DEUP1: variants seen among roughly 807,000 people sequenced by gnomAD.
DEUP1 encodes the protein coiled-coil domain containing 67.
In DEUP1, 82 loss-of-function variants were observed where a neutral mutation model predicts 87.4. The observed-to-expected ratio is 0.94, with a 90% CI of 0.78 to 1.13. The LOEUF (loss-of-function observed/expected upper bound fraction) is 1.13, where lower values mean the gene tolerates loss of function less well. Ranked by LOEUF, DEUP1 falls within the 50% of genes most tolerant of loss-of-function variation. The pLI, the probability that DEUP1 is intolerant of heterozygous loss-of-function variation, is 0.00. For missense variants in DEUP1, 663 were observed against 681.5 expected (o/e 0.97, Z 0.30); for synonymous variants, 214 against 222.7 (o/e 0.96, Z 0.35).
At chr11:93,405,294 C>T (rs1947236851) in intron 11 of DEUP1, among the ~76,000 whole-genome samples, 1 of 151,900 alleles carries the variant, frequency 6.6e-6, no homozygotes, top group African/African-American at 2.4e-5. Flanking sequence ...CACAAATCTA[C>T]TCTAATTTTA....
At chr11:93,403,021 TAAAGA>T (rs1947168973) in intron 11 of DEUP1, among the ~76,000 whole-genome samples, 1 of 151,960 alleles carries the variant, frequency 6.6e-6, no homozygotes, top group South Asian at 2.1e-4. Flanking sequence ...GTTTCTAGCA[TAAAGA>T]AAAGACAAAT....
chr11:93,330,679 G>C (rs1441001695), upstream of DEUP1: 1 of 152,946 alleles, frequency 6.5e-6, no homozygotes, highest in Non-Finnish European at 1.5e-5. Context: ...GCGGGTGGCG[G>C]GGCCCCTTGG....
At chr11:93,407,378 G>C (rs1947310568) in intron 11 of DEUP1, among the ~76,000 whole-genome samples, 2 of 152,092 alleles carry the variant, frequency 1.3e-5, no homozygotes, top group African/African-American at 4.8e-5. Context: ...ATACCATCTA[G>C]GTTTGTGTAG....
chr11:93,331,727 T>A (rs1312821809), intron 1 of DEUP1, among the ~76,000 whole-genome samples: 16 of 152,220 alleles, frequency 1.1e-4, no homozygotes. Context: ...CTCATTTTAG[T>A]CCGTACCACA....
chr11:93,352,073 A>G (rs1944652431), intron 2 of DEUP1, among the ~76,000 whole-genome samples: 1 of 152,132 alleles, frequency 6.6e-6, no homozygotes, highest in African/African-American at 2.4e-5. Flanking sequence ...TAGCTGTGTG[A>G]TCTTGGGCCT....
intron 1 of DEUP1, among the ~76,000 whole-genome samples, 181 bp from the exon 2 acceptor site, chr11:93,332,035 C>T (rs185231857): frequency 2.0e-4 from 30 of 152,144 alleles, no homozygotes; most frequent in Non-Finnish European, 2.9e-4. Flanking sequence ...AGCTAGACTC[C>T]GTCTCAAAAA....
At chr11:93,391,985 C>T (rs1946778640) in intron 9 of DEUP1, among the ~76,000 whole-genome samples, 1 of 152,032 alleles carries the variant, frequency 6.6e-6, no homozygotes, top group Non-Finnish European at 1.5e-5. Context: ...TGATGAGGTT[C>T]GATCATGTGA....
intron 13 of DEUP1, among the ~76,000 whole-genome samples, chr11:93,420,020 T>C (rs1947819326): frequency 1.3e-5 from 2 of 152,144 alleles, no homozygotes; most frequent in South Asian, 4.1e-4. Flanking sequence ...TCTGAAACCA[T>C]TCCAATCAAT....
chr11:93,397,839 A>G (rs1243876978), intron 11 of DEUP1, among the ~76,000 whole-genome samples: 1 of 152,196 alleles, frequency 6.6e-6, no homozygotes, highest in Non-Finnish European at 1.5e-5. Flanking sequence ...ACAGTCCATG[A>G]ACACCTCTAC....
intron 2 of DEUP1, among the ~76,000 whole-genome samples, chr11:93,334,844 A>G (rs1395571035): frequency 3.0e-5 from 2 of 67,446 alleles, no homozygotes; most frequent in Non-Finnish European, 2.9e-5. Flanking sequence ...GTGTTTCCAG[A>G]ACATAATTAT....
At chr11:93,333,385 T>C (rs959988735) in intron 2 of DEUP1, among the ~76,000 whole-genome samples, 3 of 152,200 alleles carry the variant, frequency 2.0e-5, no homozygotes, top group Admixed American at 6.5e-5. Context: ...ATAAGTGTGC[T>C]CTGCCATCAT....
At chr11:93,367,931 G>A (rs1945505186) in intron 5 of DEUP1, among the ~76,000 whole-genome samples, 1 of 152,176 alleles carries the variant, frequency 6.6e-6, no homozygotes, top group African/African-American at 2.4e-5. Flanking sequence ...ACTGTGAATG[G>A]TACAAAAGTA....
At chr11:93,353,510 T>A (rs1054790510) in intron 2 of DEUP1, among the ~76,000 whole-genome samples, 5 of 152,212 alleles carry the variant, frequency 3.3e-5, no homozygotes, top group Admixed American at 2.6e-4. Context: ...GTAGGGACTC[T>A]GTGTGGGTGT....
chr11:93,431,709 G>A (rs1948113383), intron 13 of DEUP1, among the ~76,000 whole-genome samples: 1 of 152,150 alleles, frequency 6.6e-6, no homozygotes, highest in Non-Finnish European at 1.5e-5. Flanking sequence ...AGATGATGCT[G>A]GCTTGGTAGC....
intron 13 of DEUP1, among the ~76,000 whole-genome samples, chr11:93,417,543 A>G (rs1356122974): frequency 6.6e-6 from 1 of 152,260 alleles, no homozygotes; most frequent in Non-Finnish European, 1.5e-5. Flanking sequence ...ATACAAACAA[A>G]TGGAAGAACA....
At chr11:93,415,560 T>C (rs1158901041) in intron 13 of DEUP1, among the ~76,000 whole-genome samples, 1 of 151,972 alleles carries the variant, frequency 6.6e-6, no homozygotes, top group Admixed American at 6.6e-5. Context: ...ACAAAGGGAA[T>C]GTAACTACCA....
At chr11:93,396,413 C>T (rs1946948173) in intron 11 of DEUP1, 88 bp downstream of exon 11, 2 of 797,316 alleles carry the variant, frequency 2.5e-6, no homozygotes, top group African/African-American at 1.8e-5. Flanking sequence ...TGAGCACTTG[C>T]TGTGTGTTAG....
At chr11:93,430,363 T>C (rs1230751836) in intron 13 of DEUP1, among the ~76,000 whole-genome samples, 2 of 152,056 alleles carry the variant, frequency 1.3e-5, no homozygotes, top group Non-Finnish European at 2.9e-5. Flanking sequence ...GATAATCAGA[T>C]TGTGATATAT....
Position 93,431,112 on chromosome 11 carries a change from A to AG in DEUP1, c.1639-6431_1639-6430insG, listed in dbSNP as rs1253083241. Among the ~76,000 whole-genome samples the AG allele has an allele frequency of 2.2e-3, 252 of 113,354 alleles. 1 individual carries two copies. The highest frequency in any genetic ancestry group is 0.013 in the Middle Eastern group (3 of 230). The allele number at this position is 113,354 out of a possible 152,430, so 74.4% of individuals were successfully genotyped here. A position where few individuals can be genotyped will look rare whatever the true frequency, so the allele number is the denominator to read the frequency against. On this transcript the variant is annotated intron_variant, in intron 13 of 13. Coordinates refer to ENST00000298050, the MANE Select transcript of DEUP1 (RefSeq NM_181645.4). ...CACTGTCTCAAAAAAAAAAAAAAAAAAAAGAAAGAAAGAAAATATCAAATA... is the reference window on the plus strand; with the variant it reads ...CACTGTCTCAAAAAAAAAAAAAAAAAGAAAGAAAGAAAGAAAATATCAAATA...
Sources: gnomAD v4.1 joint callset for allele counts (sites outside exome capture counted in the v4.1 genomes callset) on GRCh38, gnomAD v4.1.1 for gene constraint, MANE v1.5 for transcripts, NCBI Gene and HGNC (gene_info 2026-07-23, HGNC 2026-07-21) for gene names.